The following GAPVD1 variants were observed in gnomAD, a reference collection of about 807,000 sequenced individuals.
GAPVD1 encodes GTPase activating protein and VPS9 domains 1.
A neutral mutation model predicts 155.5 loss-of-function variants in GAPVD1; 35 were observed. That is an observed-to-expected ratio of 0.23 (90% CI 0.17 to 0.30). The LOEUF is 0.30. Ranked by LOEUF, GAPVD1 falls within the 10% of genes least tolerant of loss-of-function variation. GAPVD1 has a pLI of 1.00. For missense variants in GAPVD1, 1,429 were observed against 1,775.7 expected, an observed-to-expected ratio of 0.80 and a Z score of 3.51; for synonymous variants, 636 against 619.7, an observed-to-expected ratio of 1.03 and a Z score of -0.39.
chr9:125,323,666 G>A, intron 10 of GAPVD1, 132 bp from the exon 11 acceptor site: 4 of 799,590 alleles, frequency 5.0e-6, no homozygotes, highest in South Asian at 3.3e-5. Context: ...CAAAGGGCAT[G>A]TGTTTTTTTA....
chr9:125,266,952 G>A (rs1834077650), intron 1 of GAPVD1, among the ~76,000 whole-genome samples: 1 of 151,744 alleles, frequency 6.6e-6, no homozygotes, highest in South Asian at 2.1e-4. Flanking sequence ...AGTGGAGATG[G>A]GGTTTCACCA....
intron 17 of GAPVD1, among the ~76,000 whole-genome samples, chr9:125,338,388 C>A (rs190611168): frequency 2.1e-4 from 32 of 152,288 alleles, no homozygotes; most frequent in Non-Finnish European, 8.8e-5. Context: ...TACATTACTA[C>A]CAGTTACTTA....
intron 11 of GAPVD1, among the ~76,000 whole-genome samples, chr9:125,325,776 A>G (rs1213242229): frequency 2.6e-5 from 4 of 152,192 alleles, no homozygotes; most frequent in Non-Finnish European, 5.9e-5. Flanking sequence ...CAGCAGAGAA[A>G]ACTCAAGTAA....
At chr9:125,264,470 C>G (rs967956738) in intron 1 of GAPVD1, among the ~76,000 whole-genome samples, 1 of 152,114 alleles carries the variant, frequency 6.6e-6, no homozygotes, top group African/African-American at 2.4e-5. Context: ...GCTGGGATTA[C>G]TGATGTGAGC....
chr9:125,276,029 T>G (rs555268019), intron 2 of GAPVD1, among the ~76,000 whole-genome samples: 1 of 152,216 alleles, frequency 6.6e-6, no homozygotes, highest in Non-Finnish European at 1.5e-5. Flanking sequence ...ATTAGTGTAT[T>G]GAGGGTAAAA....
At position 125,301,975 on chromosome 9, in the gene GAPVD1, T is replaced by C; in HGVS notation, c.186-8T>C. Reference sequence around the variant, plus strand: ...TTGCTTGTTTGCTCTTTTTTTTTTTTTTTTTAGTGCTGAAGCTTCCCCTGC... The same window carrying C: ...TTGCTTGTTTGCTCTTTTTTTTTTTCTTTTTAGTGCTGAAGCTTCCCCTGC... On this transcript the variant is annotated splice_region_variant and splice_polypyrimidine_tract_variant and intron_variant, in intron 4 of 27. Coordinates refer to ENST00000297933, the MANE Select transcript of GAPVD1 (RefSeq NM_001282680.3). 6.5e-7 allele frequency: 1 copy of C among 1,527,032 alleles called. No homozygotes were observed. Among genetic ancestry groups the C allele is most frequent in the Non-Finnish European group, 8.7e-7 (1 of 1,148,026 alleles). The allele number at this position is 1,527,032 out of a possible 1,614,324, so 94.6% of individuals were successfully genotyped here.
intron 15 of GAPVD1, among the ~76,000 whole-genome samples, chr9:125,336,290 CAAAAAAA>C (rs34270139): frequency 1.5e-5 from 2 of 129,194 alleles, no homozygotes; most frequent in South Asian, 2.4e-4. Context: ...AGCTTGAGAC[CAAAAAAA>C]AAAAAAAACA....
chr9:125,293,858 A>ATATATATATATAAATATATTT (rs1839203084), intron 2 of GAPVD1, among the ~76,000 whole-genome samples: 1 of 8,196 alleles, frequency 1.2e-4, no homozygotes, highest in African/African-American at 1.2e-3. Context: ...TATTTTATAT[A>ATATATATATATAAATATATTT]TATATATATA....
intron 3 of GAPVD1, among the ~76,000 whole-genome samples, chr9:125,296,968 T>G (rs374843715): frequency 2.0e-5 from 3 of 152,210 alleles, no homozygotes; most frequent in East Asian, 3.9e-4. Flanking sequence ...CCCAAGAAAT[T>G]TTTTGCTAAC....
At chr9:125,346,979 A>G (rs1302003360) in intron 20 of GAPVD1, 38 bp downstream of exon 20, 21 of 1,603,208 alleles carry the variant, frequency 1.3e-5, no homozygotes, top group Non-Finnish European at 1.7e-5. Flanking sequence ...GTAAACTTTT[A>G]TATCATAGTG....
intron 12 of GAPVD1, among the ~76,000 whole-genome samples, chr9:125,328,829 GC>G (rs2131709646): frequency 1.1e-5 from 1 of 93,276 alleles, no homozygotes; most frequent in Non-Finnish European, 2.0e-5. Context: ...CGGGCAGGGG[GC>G]TGACCCCCCC....
At chr9:125,324,048 T>G in intron 11 of GAPVD1, 125 bp downstream of exon 11, 1 of 726,958 alleles carries the variant, frequency 1.4e-6, no homozygotes, top group East Asian at 2.7e-5. Context: ...AACTTAACAT[T>G]TATTCATCAT....
chr9:125,346,917 G>C lies in GAPVD1; in HGVS notation c.3145G>C (p.Ala1049Pro). The C allele has an allele frequency of 1.2e-6, 2 of 1,612,318 alleles. No individual in the cohort carries two copies. Among genetic ancestry groups the C allele is most frequent in the Non-Finnish European group, 1.7e-6 (2 of 1,178,300 alleles). ...AIKRTSPSDG[A>P]MANYESTEVM... is the part of the protein sequence containing the mutation. ...TAAACGGACCAGCCCCAGTGATGGA[G>C]CAATGGCAAACTATGAAAGTACAGG... Residue 1049 changes from alanine (A) to proline (P), a missense_variant, in exon 20 of 28, where the codon GCA (alanine) becomes CCA (proline). Transcript: ENST00000297933.
At position 125,269,494 on chromosome 9, in the gene GAPVD1, C is replaced by G. The variant is rs992616896; in HGVS notation, c.-150+510C>G. Among the ~76,000 whole-genome samples, 10 of 151,122 alleles carry G rather than the reference C, an allele frequency of 6.6e-5. No individual in the cohort carries two copies. The South Asian group carries it at 1.7e-3, about 25-fold the overall frequency. On this transcript the variant is annotated intron_variant, in intron 2 of 27. Coordinates refer to ENST00000297933, the MANE Select transcript of GAPVD1 (RefSeq NM_001282680.3). ...TTTTCAGGATATTTTAGTTTTTGTT[C>G]TTGTTTTTTTTTTGAGTTGGAGTCT...
At chr9:125,274,915 A>C (rs1835518484) in intron 2 of GAPVD1, among the ~76,000 whole-genome samples, 1 of 152,158 alleles carries the variant, frequency 6.6e-6, no homozygotes, top group South Asian at 2.1e-4. Context: ...GGCAAACCTG[A>C]GACTTGAGCC....
intron 1 of GAPVD1, among the ~76,000 whole-genome samples, chr9:125,264,911 T>A (rs1221240782): frequency 6.6e-6 from 1 of 152,000 alleles, no homozygotes; most frequent in African/African-American, 2.4e-5. Context: ...AGAAACGGGG[T>A]TTCACCATGT....
Position 125,321,443 on chromosome 9 carries a change from T to G in GAPVD1, c.1613T>G (p.Met538Arg). The change falls in exon 10 of 28, where the codon ATG (methionine) becomes AGG (arginine). Residue 538 changes from methionine to arginine, a missense_variant. Met to Arg is a moderately conservative substitution (Grantham distance 91). Transcript: ENST00000297933. The stretch of plus-strand genomic sequence containing the variant: ...CATTTTATTTTTTAGGTCCTAAACA[T>G]GCAGCTTTCGGATGGAGGACAAGGA... ...GMMSENEVLN[M>R]QLSDGGQGDV... 2.5e-6 allele frequency: 4 copies of G among 1,612,516 alleles called. No individual in the cohort carries two copies. The highest frequency in any genetic ancestry group is 3.4e-6 in the Non-Finnish European group (4 of 1,178,900).
rs150830293 is a variant in GAPVD1 at position 125,313,943 on chromosome 9, A to G, written c.1602+1331A>G. Among the ~76,000 whole-genome samples, 817 of 152,344 alleles carry G rather than the reference A, an allele frequency of 5.4e-3. 2 individuals carry two copies. The highest frequency in any genetic ancestry group is 0.027 in the Middle Eastern group (8 of 294). ...ATTCTTTGTTATCTTCAGTGGTCCC[A>G]CCATGACACACCATCACATGCTAAG... On this transcript the variant is annotated intron_variant, in intron 9 of 27. Transcript: ENST00000297933.
rs1321124184 is a variant in GAPVD1, at chr9:125,300,039, ATATATATATATATATATATAT to A, written c.185+934_185+954del. ...GTCTCAAAAGAAAAAAAAAAAAAAA[ATATATATATATATATATATAT>A]ATATATATATATATATATATATATA... On this transcript the variant is annotated intron_variant, in intron 4 of 27. Coordinates refer to ENST00000297933, the MANE Select transcript of GAPVD1 (RefSeq NM_001282680.3). Among the ~76,000 whole-genome samples the A allele has an allele frequency of 9.2e-3, 139 of 15,144 alleles. 45 individuals are homozygous for A. Among genetic ancestry groups the A allele is most frequent in the Non-Finnish European group, 0.012 (101 of 8,298 alleles). The allele number at this position is 15,144 out of a possible 152,430, so 9.9% of individuals were successfully genotyped here.
Sources: allele counts gnomAD v4.1 joint callset (sites outside exome capture counted in the v4.1 genomes callset), GRCh38; gene constraint gnomAD v4.1.1; transcripts MANE v1.5; gene names NCBI Gene and HGNC (gene_info 2026-07-23, HGNC 2026-07-21).